Variants in STK17A observed in about 807,000 individuals in gnomAD.
The protein encoded by STK17A is serine/threonine kinase 17a, also known as serine/threonine-protein kinase 17A.
STK17A carries 26 observed loss-of-function variants against 43.7 expected under a neutral mutation model. The ratio of observed to expected loss-of-function variants is 0.60; its 90% CI spans 0.44 to 0.83. The LOEUF (loss-of-function observed/expected upper bound fraction) is 0.83. STK17A is among the 40% of genes least tolerant of loss of function. STK17A has a pLI of 0.00. For missense variants in STK17A, 476 were observed against 511.6 expected, an observed-to-expected ratio of 0.93 and a Z score of 0.67; for synonymous variants, 191 against 182.5, an observed-to-expected ratio of 1.05 and a Z score of -0.38.
At chr7:43,591,188 G>T (rs2082477143) in intron 1 of STK17A, among the ~76,000 whole-genome samples, 1 of 151,588 alleles carries the variant, frequency 6.6e-6, no homozygotes, top group East Asian at 1.9e-4. Flanking sequence ...GCATAGGATA[G>T]AGCAGGGGTC....
At chr7:43,610,224 G>T (rs1175634897) in intron 3 of STK17A, among the ~76,000 whole-genome samples, 1 of 152,022 alleles carries the variant, frequency 6.6e-6, no homozygotes, top group Non-Finnish European at 1.5e-5. Context: ...GTGGGTGCCT[G>T]TAGTCCCAGC....
intron 2 of STK17A, among the ~76,000 whole-genome samples, chr7:43,602,005 C>T (rs2082558875): frequency 1.3e-5 from 2 of 151,990 alleles, no homozygotes; most frequent in Admixed American, 1.3e-4. Flanking sequence ...GAAATCAAGG[C>T]CATCAGACAC....
intron 3 of STK17A, among the ~76,000 whole-genome samples, chr7:43,616,928 C>T (rs2083406892): frequency 6.6e-6 from 1 of 152,142 alleles, no homozygotes; most frequent in Non-Finnish European, 1.5e-5. Flanking sequence ...GCCTCAATTT[C>T]GTTTTTCATA....
intron 1 of STK17A, among the ~76,000 whole-genome samples, chr7:43,585,742 G>A (rs543618485): frequency 1.3e-4 from 19 of 151,548 alleles, no homozygotes; most frequent in African/African-American, 4.1e-4. Flanking sequence ...CATAGGGTTG[G>A]TGAGAGAATT....
chr7:43,622,588 A>AT (rs1227683211), intron 4 of STK17A: 1 of 151,636 alleles, frequency 6.6e-6, no homozygotes, highest in Middle Eastern at 3.2e-3. Flanking sequence ...TTGTGAGTAG[A>AT]TTTTTTTAAG....
In STK17A at chr7:43,623,636, G is replaced by GA; in HGVS notation, c.740+21dup. 1 of 1,608,122 alleles carries GA rather than the reference G, an allele frequency of 6.2e-7. No individual in the cohort carries two copies. The highest frequency in any genetic ancestry group is 8.5e-7 in the Non-Finnish European group (1 of 1,178,162). On this transcript the variant is annotated intron_variant, in intron 5 of 6. Coordinates refer to ENST00000319357, the MANE Select transcript of STK17A (RefSeq NM_004760.3). ...CAGATATGTGGTAAGAGTTATTAAT[G>GA]AAAAATTGATCAAATTAGTTTCAAG... is the stretch of plus-strand genomic sequence containing the variant.
intron 2 of STK17A, among the ~76,000 whole-genome samples, chr7:43,600,697 C>A (rs943388827): frequency 6.6e-6 from 1 of 152,110 alleles, no homozygotes; most frequent in African/African-American, 2.4e-5. Flanking sequence ...AAGTATGTAT[C>A]AAAAGCCTTA....
At position 43,623,722 on chromosome 7, in the gene STK17A, T is replaced by G; in HGVS notation, c.754T>G (p.Leu252Val). 1.2e-6 allele frequency: 2 copies of G among 1,606,238 alleles called. No individual in the cohort carries two copies. The highest frequency in any genetic ancestry group is 1.7e-6 in the Non-Finnish European group (2 of 1,177,194). The change falls in exon 6 of 7, where the codon TTA (leucine) becomes GTA (valine). Residue 252 changes from leucine (L) to valine (V), a missense_variant. Transcript: ENST00000319357. ...TTTCTAATTTAGGAGCATTGGAGTGTTAACATATGTCATGCTTACAGGAAT... is the reference window on the plus strand; with the variant it reads ...TTTCTAATTTAGGAGCATTGGAGTGGTAACATATGTCATGCTTACAGGAAT... ...MATDMWSIGV[L>V]TYVMLTGISP...
chr7:43,618,508 T>C (rs1653757129), intron 3 of STK17A, among the ~76,000 whole-genome samples: 1 of 152,150 alleles, frequency 6.6e-6, no homozygotes, highest in Non-Finnish European at 1.5e-5. Flanking sequence ...CACTGGGTGT[T>C]AGAGTGAAGT....
At chr7:43,589,304 TACA>T (rs2082463905) in intron 1 of STK17A, among the ~76,000 whole-genome samples, 1 of 151,448 alleles carries the variant, frequency 6.6e-6, no homozygotes, top group Non-Finnish European at 1.5e-5. Flanking sequence ...GGAGACATAG[TACA>T]ACAAGTTGTA....
intron 3 of STK17A, among the ~76,000 whole-genome samples, chr7:43,609,803 A>T (rs903733063): frequency 1.3e-5 from 2 of 152,132 alleles, no homozygotes; most frequent in East Asian, 1.9e-4. Context: ...CCCCCAAAAA[A>T]CTTTCCCATC....
At chr7:43,593,489 C>T (rs757387269) in intron 1 of STK17A, among the ~76,000 whole-genome samples, 11 of 152,212 alleles carry the variant, frequency 7.2e-5, no homozygotes, top group Non-Finnish European at 1.5e-4. Flanking sequence ...AACTAATTTA[C>T]ATTTCCACCA....
intron 3 of STK17A, among the ~76,000 whole-genome samples, chr7:43,610,377 G>C: frequency 7.9e-6 from 1 of 127,266 alleles, no homozygotes; most frequent in Admixed American, 8.9e-5. Context: ...AAAAAGACTT[G>C]CTATATGGCC....
intron 1 of STK17A, among the ~76,000 whole-genome samples, chr7:43,592,639 C>T (rs944560259): frequency 1.3e-5 from 2 of 148,648 alleles, no homozygotes; most frequent in Admixed American, 1.3e-4. Flanking sequence ...CACTTGAGGC[C>T]AGGAGTTCGA....
At chr7:43,583,517 G>A in intron 1 of STK17A, 68 bp downstream of exon 1, 1 of 1,203,432 alleles carries the variant, frequency 8.3e-7, no homozygotes, top group Non-Finnish European at 1.0e-6. Context: ...GCGCCGATAA[G>A]TGCCGGCGCC....
At chr7:43,608,171 T>G in intron 2 of STK17A, 85 bp from the exon 3 acceptor site, 1 of 1,325,364 alleles carries the variant, frequency 7.5e-7, no homozygotes, top group Non-Finnish European at 1.0e-6. Flanking sequence ...ACTGCCAGAC[T>G]GTAATTAATT....
intron 2 of STK17A, among the ~76,000 whole-genome samples, chr7:43,598,772 T>C (rs142091533): frequency 1.2e-3 from 177 of 151,858 alleles, no homozygotes; most frequent in African/African-American, 4.1e-3. Flanking sequence ...GTTTTTGGTT[T>C]TTTTTTTTTG....
intron 3 of STK17A, 167 bp downstream of exon 3, chr7:43,608,567 G>C: frequency 1.5e-6 from 1 of 681,758 alleles, no homozygotes; most frequent in East Asian, 2.9e-5. Flanking sequence ...TTTTATCAGG[G>C]AGATAATGCA....
chr7:43,596,141 T>G, intron 2 of STK17A, 28 bp downstream of exon 2: 1 of 1,586,956 alleles, frequency 6.3e-7, no homozygotes. Flanking sequence ...TAGATTAAGT[T>G]TGTTTGGTAG....
Sources: allele counts gnomAD v4.1 joint callset (sites outside exome capture counted in the v4.1 genomes callset), GRCh38; gene constraint gnomAD v4.1.1; transcripts MANE v1.5; gene names NCBI Gene and HGNC (gene_info 2026-07-23, HGNC 2026-07-21).